The following SACM1L variants were observed in gnomAD, a reference collection of about 807,000 sequenced individuals.
SACM1L encodes SAC1 like phosphatidylinositide phosphatase, also known as phosphatidylinositol-3-phosphatase SAC1.
In SACM1L, 32 loss-of-function variants were observed where a neutral mutation model predicts 89.5. The ratio of observed to expected loss-of-function variants is 0.36; its 90% CI spans 0.27 to 0.48. SACM1L has a LOEUF of 0.48. Ranked by LOEUF, SACM1L falls within the 20% of genes least tolerant of loss-of-function variation. SACM1L has a pLI of 0.99. For missense variants in SACM1L, 543 were observed against 708.5 expected (o/e 0.77, Z 2.65); for synonymous variants, 213 against 232.8 (o/e 0.92, Z 0.77).
intron 14 of SACM1L, 143 bp from the exon 15 acceptor site, chr3:45,737,440 G>T: frequency 1.2e-6 from 1 of 820,056 alleles, no homozygotes. Context: ...TGTGAGCTGG[G>T]GCCCCCTATA....
At chr3:45,704,137 A>G in intron 2 of SACM1L, among the ~76,000 whole-genome samples, 1 of 152,216 alleles carries the variant, frequency 6.6e-6, no homozygotes, top group East Asian at 1.9e-4. Context: ...CCAAATAGAT[A>G]AATACGAAAT....
At position 45,738,847 on chromosome 3, in the gene SACM1L, G is replaced by T. The variant is rs747521694; in HGVS notation, c.1543G>T (p.Val515Phe). The part of the protein sequence containing the change: ...DELESHSPLS[V>F]PRDWKFLALP... ...ATTAGAATCTCATAGTCCTTTAAGT[G>T]TTCCAAGGGACTGGAAATTCCTGGC... Residue 515 changes from valine to phenylalanine, a missense_variant, in exon 18 of 20, where the codon GTT (valine) becomes TTT (phenylalanine). By Grantham distance (50) the Val-to-Phe change is conservative. Transcript: ENST00000389061. 2.7e-5 allele frequency: 44 copies of T among 1,607,794 alleles called. No individual in the cohort carries two copies. The highest frequency in any genetic ancestry group is 3.3e-5 in the Non-Finnish European group (39 of 1,175,852).
At chr3:45,710,814 G>T (rs116072824) in intron 5 of SACM1L, among the ~76,000 whole-genome samples, 1 of 152,124 alleles carries the variant, frequency 6.6e-6, no homozygotes, top group Admixed American at 6.6e-5. Context: ...CTCTAATTTG[G>T]TAAAATTGTA....
At chr3:45,709,414 TA>T in intron 4 of SACM1L, 83 bp from the exon 5 acceptor site, 1 of 1,257,442 alleles carries the variant, frequency 8.0e-7, no homozygotes, top group Non-Finnish European at 1.1e-6. Flanking sequence ...AGACTGGACT[TA>T]ACAGGATTTA....
intron 4 of SACM1L, 196 bp downstream of exon 4, chr3:45,707,103 T>G (rs1283468353): frequency 1.5e-5 from 7 of 476,836 alleles, no homozygotes; most frequent in African/African-American, 6.1e-5. Context: ...TGTTTTTTTT[T>G]TTTTAAAGAT....
intron 19 of SACM1L, 87 bp from the exon 20 acceptor site, chr3:45,743,446 A>C (rs933899546): frequency 1.2e-4 from 170 of 1,392,248 alleles, no homozygotes; most frequent in Non-Finnish European, 1.6e-4. Context: ...GTAAACTTTA[A>C]TGTTGCCAAA....
intron 13 of SACM1L, among the ~76,000 whole-genome samples, chr3:45,733,363 G>A (rs1253666328): frequency 1.3e-5 from 2 of 152,182 alleles, no homozygotes; most frequent in Non-Finnish European, 2.9e-5. Flanking sequence ...GGGCCACTTA[G>A]TTATCTTCAG....
In SACM1L at chr3:45,701,137, A is replaced by C. The variant is rs1314532377; in HGVS notation, c.33-2301A>C. On this transcript the variant is annotated intron_variant, in intron 1 of 19. Coordinates refer to ENST00000389061, the MANE Select transcript of SACM1L (RefSeq NM_014016.5). The stretch of plus-strand genomic sequence containing the variant: ...TAAATTTTATTAAACCTGGGTTTTA[A>C]AAACATTTCTTTAATTTTTTTTTTT... Among the ~76,000 whole-genome samples, 6 of 152,348 alleles carry C rather than the reference A, an allele frequency of 3.9e-5. No individual in the cohort carries two copies. In the South Asian group the frequency reaches 1.2e-3, roughly 32 times the overall value.
intron 11 of SACM1L, among the ~76,000 whole-genome samples, chr3:45,725,556 A>G (rs760267600): frequency 2.0e-5 from 3 of 151,944 alleles, no homozygotes. Flanking sequence ...TGATTTTTGT[A>G]TGCTCCAACT....
chr3:45,707,877 T>TC (rs1166696862), intron 4 of SACM1L, among the ~76,000 whole-genome samples: 1 of 152,198 alleles, frequency 6.6e-6, no homozygotes, highest in Non-Finnish European at 1.5e-5. Flanking sequence ...CAAGCACTGT[T>TC]CAAGTCTCTT....
intron 1 of SACM1L, among the ~76,000 whole-genome samples, chr3:45,694,331 T>G (rs1282328983): frequency 6.6e-6 from 1 of 152,136 alleles, no homozygotes; most frequent in Non-Finnish European, 1.5e-5. Flanking sequence ...AGGTCATCAG[T>G]CAGGGCAGAT....
intron 2 of SACM1L, among the ~76,000 whole-genome samples, chr3:45,704,357 A>G (rs148772696): frequency 6.6e-6 from 1 of 152,296 alleles, no homozygotes; most frequent in Non-Finnish European, 1.5e-5. Context: ...AATGGGGTGT[A>G]AGACAAGTAT....
rs1041569099 is a variant in SACM1L, at chr3:45,742,771, T to C, written c.1628-762T>C. On this transcript the variant is annotated intron_variant, in intron 19 of 19. Transcript: ENST00000389061. ...AGGAGTTCTGGTCTGTAGTGTGTTA[T>C]GCTGATCGGATGTCCGCACTAAGTT... 7 of 152,300 alleles carry C rather than the reference T, an allele frequency of 4.6e-5. No homozygotes were observed. The South Asian group carries it at 6.2e-4, about 14-fold the overall frequency. 9.4% of individuals were successfully genotyped at this position (152,300 alleles called of 1,614,324 possible). A position where few individuals can be genotyped will look rare whatever the true frequency, so the allele number is the denominator to read the frequency against.
At chr3:45,697,269 C>CTTTTTTTTTTTTTT (rs869095037) in intron 1 of SACM1L, among the ~76,000 whole-genome samples, 5 of 92,090 alleles carry the variant, frequency 5.4e-5, no homozygotes, top group East Asian at 3.3e-4. Flanking sequence ...TTTTCTTTTC[C>CTTTTTTTTTTTTTT]TTTTTTTTTT....
At chr3:45,719,746 A>T in intron 8 of SACM1L, 145 bp downstream of exon 8, 1 of 536,470 alleles carries the variant, frequency 1.9e-6, no homozygotes, top group Non-Finnish European at 3.3e-6. Flanking sequence ...TGTAATAATT[A>T]GGTAGGTCTT....
At chr3:45,722,333 G>A (rs1350326485) in intron 9 of SACM1L, among the ~76,000 whole-genome samples, 1 of 151,938 alleles carries the variant, frequency 6.6e-6, no homozygotes, top group African/African-American at 2.4e-5. Flanking sequence ...AGAGAGTTAT[G>A]GAAATGGAGC....
At chr3:45,710,978 G>T (rs1698513834) in intron 5 of SACM1L, among the ~76,000 whole-genome samples, 1 of 152,094 alleles carries the variant, frequency 6.6e-6, no homozygotes, top group African/African-American at 2.4e-5. Flanking sequence ...AACTATACTA[G>T]CCCCTGGGGA....
At chr3:45,739,119 T>C (rs1401804841) in intron 18 of SACM1L, among the ~76,000 whole-genome samples, 1 of 152,202 alleles carries the variant, frequency 6.6e-6, no homozygotes, top group Non-Finnish European at 1.5e-5. Flanking sequence ...ATGTGGAAGC[T>C]TTCTCATTTC....
intron 11 of SACM1L, among the ~76,000 whole-genome samples, chr3:45,730,182 A>G (rs1699013000): frequency 6.6e-6 from 1 of 151,808 alleles, no homozygotes; most frequent in Admixed American, 6.6e-5. Context: ...CTTATGTTCC[A>G]TTGAATGAGT....
Sources: gnomAD v4.1 joint callset for allele counts (sites outside exome capture counted in the v4.1 genomes callset) on GRCh38, gnomAD v4.1.1 for gene constraint, MANE v1.5 for transcripts, NCBI Gene and HGNC (gene_info 2026-07-23, HGNC 2026-07-21) for gene names.